Variants in DDX10 observed in about 807,000 individuals in gnomAD.
The protein encoded by DDX10 is DEAD-box helicase 10.
A neutral mutation model predicts 104.3 loss-of-function variants in DDX10; 74 were observed. The ratio of observed to expected loss-of-function variants is 0.71; its 90% CI spans 0.59 to 0.86. DDX10 has a LOEUF of 0.86. DDX10 is among the 40% of genes least tolerant of loss of function. The pLI is 0.00. For missense variants in DDX10, 952 were observed against 1,040.0 expected (o/e 0.92, Z 1.16); for synonymous variants, 351 against 353.4 (o/e 0.99, Z 0.08).
At chr11:108,896,559 C>T (rs1049970045) in intron 16 of DDX10, among the ~76,000 whole-genome samples, 3 of 152,094 alleles carry the variant, frequency 2.0e-5, no homozygotes, top group Non-Finnish European at 4.4e-5. Flanking sequence ...CTGATTGGTA[C>T]TGTATTATAA....
At position 108,846,804 on chromosome 11, in the gene DDX10, A is replaced by G. The variant is rs561894302; in HGVS notation, c.2247+5328A>G. ...ATATATAAGAGATCTAAAGGTTCTA[A>G]CTGGTTTAGAGTACAAACCAGACCA... On this transcript the variant is annotated intron_variant, in intron 15 of 17. Coordinates refer to ENST00000322536, the MANE Select transcript of DDX10 (RefSeq NM_004398.4). Among the ~76,000 whole-genome samples the G allele has an allele frequency of 1.2e-4, 17 of 145,564 alleles. 1 individual carries two copies. In the South Asian group the frequency reaches 3.9e-3, roughly 33 times the overall value.
At chr11:108,802,010 G>T (rs1198507187) in intron 13 of DDX10, among the ~76,000 whole-genome samples, 1 of 141,944 alleles carries the variant, frequency 7.0e-6, no homozygotes, top group African/African-American at 2.6e-5. Context: ...AAGTGAGTGG[G>T]GTGTGTGTGT....
Position 108,692,043 on chromosome 11 carries a change from G to C in DDX10, c.1138+5G>C. 6.3e-7 allele frequency: 1 copy of C among 1,578,432 alleles called. No individual in the cohort carries two copies. Among genetic ancestry groups the C allele is most frequent in the Non-Finnish European group, 8.6e-7 (1 of 1,161,884 alleles). On this transcript the variant is annotated splice_donor_5th_base_variant and intron_variant, in intron 8 of 17. Coordinates refer to ENST00000322536, the MANE Select transcript of DDX10 (RefSeq NM_004398.4). ...ATATTGCAGCCAGGGGTCTGGGTAA[G>C]AAAACTTCCTATCATGAAATTTCTG...
In DDX10 at chr11:108,715,927, T is replaced by A; in HGVS notation, c.1371T>A (p.Ile457=). The A allele has an allele frequency of 1.9e-6, 3 of 1,569,750 alleles. No homozygotes were observed. The South Asian group carries it at 3.4e-5, about 18-fold the overall frequency. The change falls in exon 11 of 18, where the codon ATT becomes ATA. Residue 457 remains isoleucine (I), a synonymous_variant. Coordinates refer to ENST00000322536, the MANE Select transcript of DDX10 (RefSeq NM_004398.4). ...ATGTCCAGAAAAAATTGGAATCTAT[T>A]TTAGCTCAAGATCAAGATTTAAAAG... ...LIDVQKKLES[I]LAQDQDLKER...
chr11:108,732,982 A>C (rs2094314114), intron 13 of DDX10, among the ~76,000 whole-genome samples: 1 of 152,152 alleles, frequency 6.6e-6, no homozygotes, highest in African/African-American at 2.4e-5. Context: ...AGCTCAACAA[A>C]TGTCCTTTTA....
intron 17 of DDX10, among the ~76,000 whole-genome samples, chr11:108,922,459 G>A (rs1160399372): frequency 6.6e-6 from 1 of 152,136 alleles, no homozygotes. Context: ...TTCAGCATGA[G>A]TAACACTTTT....
rs533768529 is a variant in DDX10 at position 108,803,899 on chromosome 11, G to T, written c.1966-34547G>T. ...TGTTTTCTTTTTGCTATCCTATGAG[G>T]GTTACATGAAACAATCCCATTCCTT... On this transcript the variant is annotated intron_variant, in intron 13 of 17. Transcript: ENST00000322536. Among the ~76,000 whole-genome samples, 26 of 152,170 alleles carry T rather than the reference G, an allele frequency of 1.7e-4. No homozygotes were observed. In the South Asian group the frequency reaches 4.8e-3, roughly 28 times the overall value.
At chr11:108,761,214 A>T (rs2094350469) in intron 13 of DDX10, among the ~76,000 whole-genome samples, 1 of 152,138 alleles carries the variant, frequency 6.6e-6, no homozygotes, top group Admixed American at 6.6e-5. Flanking sequence ...GAACCAGGGC[A>T]TGAGCGGATC....
chr11:108,884,896 A>G (rs961975300), intron 16 of DDX10, among the ~76,000 whole-genome samples: 4 of 152,164 alleles, frequency 2.6e-5, no homozygotes, highest in African/African-American at 9.7e-5. Flanking sequence ...CTACACACGA[A>G]TGTTTTGATA....
At chr11:108,791,584 A>T (rs1049750831) in intron 13 of DDX10, among the ~76,000 whole-genome samples, 1 of 152,118 alleles carries the variant, frequency 6.6e-6, no homozygotes, top group East Asian at 1.9e-4. Context: ...TCATCATTTC[A>T]TAGAGTTCTC....
At chr11:108,775,368 A>G (rs1456996136) in intron 13 of DDX10, among the ~76,000 whole-genome samples, 1 of 152,214 alleles carries the variant, frequency 6.6e-6, no homozygotes, top group African/African-American at 2.4e-5. Context: ...TTGACAATTG[A>G]GTGAATGTAT....
chr11:108,828,760 A>G (rs1332674775), intron 13 of DDX10, among the ~76,000 whole-genome samples: 2 of 152,078 alleles, frequency 1.3e-5, no homozygotes, highest in Non-Finnish European at 2.9e-5. Flanking sequence ...AGTAGCTGGG[A>G]CTACAGGTGC....
rs564420382 is a variant in DDX10 at position 108,675,847 on chromosome 11, G to A, written c.378+121G>A. ...GATTTCATGATAGATTGGCTAGAAT[G>A]CGAGCTTCATCAAACAGGAGCCACA... is the stretch of plus-strand genomic sequence containing the variant. On this transcript the variant is annotated intron_variant, in intron 3 of 17. Transcript: ENST00000322536. 2.8e-5 allele frequency: 36 copies of A among 1,303,030 alleles called. 1 individual carries two copies. The South Asian group carries it at 3.5e-4, about 13-fold the overall frequency. The allele number at this position is 1,303,030 out of a possible 1,614,324, so 80.7% of individuals were successfully genotyped here.
intron 16 of DDX10, among the ~76,000 whole-genome samples, chr11:108,897,619 G>T (rs758670864): frequency 4.6e-5 from 7 of 151,998 alleles, no homozygotes; most frequent in Admixed American, 2.6e-4. Flanking sequence ...TGCAAATCCC[G>T]CAGGGGACCC....
intron 13 of DDX10, among the ~76,000 whole-genome samples, chr11:108,836,064 C>G (rs2134591370): frequency 6.6e-6 from 1 of 152,216 alleles, no homozygotes; most frequent in African/African-American, 2.4e-5. Flanking sequence ...TTTCTTGATT[C>G]AGCAGGAATT....
At chr11:108,903,826 A>G (rs1863551784) in intron 16 of DDX10, among the ~76,000 whole-genome samples, 1 of 152,116 alleles carries the variant, frequency 6.6e-6, no homozygotes, top group Non-Finnish European at 1.5e-5. Context: ...GTTACCATTT[A>G]TAGGACATTT....
intron 13 of DDX10, among the ~76,000 whole-genome samples, chr11:108,816,275 C>T (rs1264359002): frequency 2.0e-5 from 3 of 152,168 alleles, no homozygotes; most frequent in Non-Finnish European, 4.4e-5. Context: ...TTCTTTAAAA[C>T]TCATATGCTA....
chr11:108,917,218 C>T (rs905838556), intron 16 of DDX10, among the ~76,000 whole-genome samples: 1 of 151,014 alleles, frequency 6.6e-6, no homozygotes, highest in African/African-American at 2.4e-5. Context: ...ACACATGCCA[C>T]CATGCCCAGC....
At chr11:108,680,368 C>T (rs2094233096) in intron 6 of DDX10, among the ~76,000 whole-genome samples, 1 of 152,136 alleles carries the variant, frequency 6.6e-6, no homozygotes, top group African/African-American at 2.4e-5. Flanking sequence ...GGGCATACCA[C>T]CATGCGTGGC....
Sources: gnomAD v4.1 joint callset for allele counts (sites outside exome capture counted in the v4.1 genomes callset) on GRCh38, gnomAD v4.1.1 for gene constraint, MANE v1.5 for transcripts, NCBI Gene and HGNC (gene_info 2026-07-23, HGNC 2026-07-21) for gene names.